Variants in TRIP12 observed in about 807,000 individuals in gnomAD.
TRIP12 encodes E3 ubiquitin-protein ligase TRIP12.
Under a neutral mutation model 244.2 loss-of-function variants are expected in TRIP12, and 25 were observed. The ratio of observed to expected loss-of-function variants is 0.10; its 90% confidence interval spans 0.07 to 0.14. The LOEUF is 0.14. Ranked by LOEUF, TRIP12 falls within the 10% of genes least tolerant of loss-of-function variation. The pLI is 1.00. For missense variants in TRIP12, 1,677 were observed against 2,486.4 expected (o/e 0.67, Z 6.92); for synonymous variants, 905 against 873.1 (o/e 1.04, Z -0.64).
At chr2:229,788,085 G>C (rs1455966142) in intron 32 of TRIP12, among the ~76,000 whole-genome samples, 1 of 152,158 alleles carries the variant, frequency 6.6e-6, no homozygotes. Context: ...TTATAGATGT[G>C]AGCCACCACG....
Position 229,797,833 on chromosome 2 carries a change from T to A in TRIP12, c.3483-2A>T, listed in dbSNP as rs1223460549. ...TTAATCCAACCTTTAATTTTTTCTC[T>A]ACAAGAAACAAAAAGGAGATATTAA... is the stretch of plus-strand genomic sequence containing the variant. On this transcript the variant is annotated splice_acceptor_variant, in intron 23 of 41. Transcript: ENST00000675903. LOFTEE classifies it high-confidence loss of function. 3 of 1,611,476 alleles carry A rather than the reference T, an allele frequency of 1.9e-6. No homozygotes were observed. Among genetic ancestry groups the A allele is most frequent in the Admixed American group, 1.7e-5 (1 of 59,404 alleles).
chr2:229,832,958 T>C (rs990984403), intron 6 of TRIP12, among the ~76,000 whole-genome samples: 1 of 152,184 alleles, frequency 6.6e-6, no homozygotes, highest in Non-Finnish European at 1.5e-5. Flanking sequence ...GGGTATTTTT[T>C]AAAACACACT....
intron 1 of TRIP12, among the ~76,000 whole-genome samples, chr2:229,895,939 T>C (rs967009267): frequency 6.6e-5 from 10 of 152,104 alleles, no homozygotes; most frequent in East Asian, 3.8e-4. Flanking sequence ...GTGACCATGA[T>C]AGCACCACTT....
intron 34 of TRIP12, among the ~76,000 whole-genome samples, chr2:229,782,106 G>A (rs1271084430): frequency 6.6e-6 from 1 of 152,142 alleles, no homozygotes; most frequent in African/African-American, 2.4e-5. Context: ...TACGTTTAAA[G>A]AGACTAAAAA....
intron 4 of TRIP12, among the ~76,000 whole-genome samples, chr2:229,850,750 C>T (rs900942566): frequency 9.9e-5 from 15 of 152,220 alleles, no homozygotes; most frequent in Admixed American, 3.9e-4. Flanking sequence ...GGGCTGCACC[C>T]GGCGCTTGCG....
At chr2:229,785,239 A>G (rs1235214067) in intron 34 of TRIP12, among the ~76,000 whole-genome samples, 3 of 152,238 alleles carry the variant, frequency 2.0e-5, no homozygotes, top group African/African-American at 7.2e-5. Flanking sequence ...AAAAGACAAA[A>G]TTACAGGGAC....
chr2:229,889,948 A>G (rs79090884), intron 1 of TRIP12, among the ~76,000 whole-genome samples: 6,585 of 152,272 alleles, frequency 0.043, 479 homozygotes, highest in African/African-American at 0.15. Flanking sequence ...AAACAATTTT[A>G]TATTTGGTAA....
intron 1 of TRIP12, 38 bp downstream of exon 1, chr2:229,921,842 A>C: frequency 4.0e-5 from 1 of 24,808 alleles, no homozygotes; most frequent in East Asian, 1.5e-3. Context: ...CCCTCCCCCA[A>C]GGCTTGCCCC....
At chr2:229,819,000 CAA>C (rs2049202020) in intron 8 of TRIP12, among the ~76,000 whole-genome samples, 3 of 144,526 alleles carry the variant, frequency 2.1e-5, no homozygotes, top group South Asian at 4.5e-4. Flanking sequence ...ACGTATCTAA[CAA>C]AAAAGAGAAT....
intron 1 of TRIP12, among the ~76,000 whole-genome samples, chr2:229,883,854 C>T (rs986921215): frequency 1.3e-5 from 2 of 152,052 alleles, no homozygotes; most frequent in African/African-American, 4.8e-5. Context: ...CATAGAGAAA[C>T]AAAAACAAAA....
upstream of TRIP12, chr2:229,922,753 G>C (rs2076785731): frequency 6.3e-6 from 5 of 790,092 alleles, no homozygotes; most frequent in East Asian, 8.4e-5. Flanking sequence ...GATTTTCCTC[G>C]TCACCTCGGC....
intron 2 of TRIP12, among the ~76,000 whole-genome samples, chr2:229,870,117 T>C: frequency 6.6e-6 from 1 of 152,316 alleles, no homozygotes; most frequent in Non-Finnish European, 1.5e-5. Flanking sequence ...AAAACTGTAT[T>C]AGAACAGAGT....
chr2:229,897,682 C>T (rs2069273168), intron 1 of TRIP12, among the ~76,000 whole-genome samples: 1 of 152,132 alleles, frequency 6.6e-6, no homozygotes, highest in Admixed American at 6.6e-5. Context: ...TCAAGTTTTA[C>T]AAAATCTTCT....
In TRIP12 at chr2:229,829,317, A is replaced by C. The variant is rs990313990; in HGVS notation, c.1355-29T>G. The C allele has an allele frequency of 5.1e-6, 8 of 1,577,516 alleles. No individual in the cohort carries two copies. The African/African-American group carries it at 9.5e-5, about 19-fold the overall frequency. On this transcript the variant is annotated intron_variant, in intron 7 of 41. Coordinates refer to ENST00000675903, the MANE Select transcript of TRIP12 (RefSeq NM_001348323.3). Reference sequence around the variant, plus strand: ...AAGAAAAAAGAAGGGCAGAGTGAACAACTAAGATGACTTCATGCAACTGAT... The same window carrying C: ...AAGAAAAAAGAAGGGCAGAGTGAACCACTAAGATGACTTCATGCAACTGAT...
rs552469570 is a variant in TRIP12, at chr2:229,860,400, A to T, written c.224+6T>A. On this transcript the variant is annotated splice_donor_region_variant and intron_variant, in intron 3 of 41. Transcript: ENST00000675903. ...TTGAAAATGTATAAGCAACATGAAG[A>T]TTTACCTTTTAGAAAGGTGTCCCCT... is the stretch of plus-strand genomic sequence containing the variant. 2.5e-6 allele frequency: 4 copies of T among 1,592,192 alleles called. No individual in the cohort carries two copies. In the South Asian group the frequency reaches 4.6e-5, roughly 18 times the overall value.
intron 21 of TRIP12, among the ~76,000 whole-genome samples, chr2:229,801,501 A>G (rs2044337711): frequency 6.6e-6 from 1 of 152,242 alleles, no homozygotes; most frequent in African/African-American, 2.4e-5. Context: ...AAAAGGAGCC[A>G]GAAAGAGTAC....
At chr2:229,867,761 A>G (rs2061834582) in intron 2 of TRIP12, among the ~76,000 whole-genome samples, 1 of 152,214 alleles carries the variant, frequency 6.6e-6, no homozygotes, top group African/African-American at 2.4e-5. Flanking sequence ...GAGACAATCT[A>G]TGGCAGCTGA....
At chr2:229,849,554 A>G (rs1288779533) in intron 4 of TRIP12, among the ~76,000 whole-genome samples, 1 of 152,058 alleles carries the variant, frequency 6.6e-6, no homozygotes, top group Non-Finnish European at 1.5e-5. Context: ...TGGCAGAAAG[A>G]CTGCTTTAAA....
intron 1 of TRIP12, among the ~76,000 whole-genome samples, chr2:229,904,382 C>A (rs974020310): frequency 3.8e-5 from 5 of 131,004 alleles, no homozygotes; most frequent in Non-Finnish European, 6.2e-5. Context: ...TATGCCACTG[C>A]ACTCCAGCCT....
Sources: allele counts gnomAD v4.1 joint callset (sites outside exome capture counted in the v4.1 genomes callset), GRCh38; gene constraint gnomAD v4.1.1; transcripts MANE v1.5; gene names NCBI Gene and HGNC (gene_info 2026-07-23, HGNC 2026-07-21).